TBC1D14: variants seen among roughly 807,000 people sequenced by gnomAD.
TBC1D14 encodes the protein TBC1 domain family member 14.
Under a neutral mutation model 79.0 loss-of-function variants are expected in TBC1D14, and 26 were observed. That is an observed-to-expected ratio of 0.33 (90% confidence interval 0.24 to 0.46). The LOEUF is 0.46. Ranked by LOEUF, TBC1D14 falls within the 20% of genes least tolerant of loss-of-function variation. The pLI is 1.00. For synonymous variants in TBC1D14, 394 were observed against 349.9 expected (o/e 1.13, Z -1.40); for missense variants, 769 against 887.6 (o/e 0.87, Z 1.70).
chr4:7,014,173 C>A (rs941566812), intron 11 of TBC1D14, among the ~76,000 whole-genome samples: 5 of 152,186 alleles, frequency 3.3e-5, no homozygotes, highest in Non-Finnish European at 5.9e-5. Flanking sequence ...AAAGCTTGTG[C>A]CCTTATTTGG....
chr4:6,923,355 T>C lies in TBC1D14; in HGVS notation c.-17-18T>C. 6.4e-7 allele frequency: 1 copy of C among 1,565,316 alleles called. No homozygotes were observed. The highest frequency in any genetic ancestry group is 8.6e-7 in the Non-Finnish European group (1 of 1,157,008). ...AATTTTATATCCACTTTAATTTCCATGTTTGTGTTTTTTCTAGTTTCTCCT... is the reference window on the plus strand; with the variant it reads ...AATTTTATATCCACTTTAATTTCCACGTTTGTGTTTTTTCTAGTTTCTCCT... On this transcript the variant is annotated intron_variant, in intron 1 of 13. Transcript: ENST00000409757.
chr4:6,949,750 GTTTTGTTTTTGT>G (rs1165843210), intron 2 of TBC1D14, among the ~76,000 whole-genome samples: 1 of 149,376 alleles, frequency 6.7e-6, no homozygotes, highest in African/African-American at 2.5e-5. Flanking sequence ...ACATTTCGTA[GTTTTGTTTTTGT>G]TTTTTTTTTT....
rs749025086 is a variant in TBC1D14 at position 6,923,990 on chromosome 4, A to G, written c.601A>G (p.Thr201Ala). Reference sequence around the variant, plus strand: ...GGAGAATGACGATGACCCACAGTTTACCAACGTCACCTTGAGCTCTATCAA... The same window carrying G: ...GGAGAATGACGATGACCCACAGTTTGCCAACGTCACCTTGAGCTCTATCAA... Reference protein sequence around the residue: ...TLENDDDPQFTNVTLSSIKET... With the variant: ...TLENDDDPQFANVTLSSIKET... Residue 201 changes from threonine to alanine, a missense_variant, in exon 2 of 14, where the codon ACC becomes GCC. This residue lies in a region of TBC1D14 where 402 missense variants were observed against 393.2 expected (regional missense o/e 1.02). Coordinates refer to ENST00000409757, the MANE Select transcript of TBC1D14 (RefSeq NM_020773.3). The G allele has an allele frequency of 2.5e-6, 4 of 1,613,994 alleles. No homozygotes were observed. In the Admixed American group the frequency reaches 5.0e-5, roughly 20 times the overall value.
chr4:7,024,402 A>G (rs1389740360), intron 12 of TBC1D14, among the ~76,000 whole-genome samples: 1 of 152,186 alleles, frequency 6.6e-6, no homozygotes, highest in Admixed American at 6.5e-5. Context: ...GAGCACTGTC[A>G]GTGTTGGGCA....
At chr4:6,961,485 T>C (rs1715185719) in intron 2 of TBC1D14, among the ~76,000 whole-genome samples, 1 of 152,056 alleles carries the variant, frequency 6.6e-6, no homozygotes, top group South Asian at 2.1e-4. Context: ...CACGAGGAGC[T>C]GAGCCTGGTG....
In TBC1D14 at chr4:7,004,363, G is replaced by A. The variant is rs1719973955; in HGVS notation, c.1271-481G>A. On this transcript the variant is annotated intron_variant, in intron 7 of 13. Transcript: ENST00000409757. The stretch of plus-strand genomic sequence containing the variant: ...AGGCAGCAAGACGAGGCCTGTGCCA[G>A]GTGGGGGCAATTGCACCATGTCCTT... Among the ~76,000 whole-genome samples, 3 of 152,250 alleles carry A rather than the reference G, an allele frequency of 2.0e-5. No homozygotes were observed. In the South Asian group the frequency reaches 6.2e-4, roughly 32 times the overall value.
chr4:6,998,818 C>A, intron 5 of TBC1D14: 1 of 333,006 alleles, frequency 3.0e-6, no homozygotes, highest in East Asian at 7.8e-5. Context: ...GGATTACAGG[C>A]GTGAGCCACC....
chr4:7,027,074 G>A (rs933766109), intron 13 of TBC1D14, among the ~76,000 whole-genome samples: 1 of 152,030 alleles, frequency 6.6e-6, no homozygotes, highest in Non-Finnish European at 1.5e-5. Context: ...AGCCGGGCAC[G>A]TTGGCAGGCT....
At chr4:6,988,526 C>G (rs187506102) in intron 3 of TBC1D14, among the ~76,000 whole-genome samples, 1 of 152,196 alleles carries the variant, frequency 6.6e-6, no homozygotes, top group Non-Finnish European at 1.5e-5. Context: ...GCCGTGCTGT[C>G]ACAGCATTAG....
At chr4:7,014,873 G>T (rs1465303941) in intron 12 of TBC1D14, among the ~76,000 whole-genome samples, 1 of 152,250 alleles carries the variant, frequency 6.6e-6, no homozygotes, top group Non-Finnish European at 1.5e-5. Context: ...AGCAAGGGCA[G>T]CGCTTGCCTG....
intron 11 of TBC1D14, among the ~76,000 whole-genome samples, chr4:7,014,224 T>C (rs74669150): frequency 0.03 from 4,526 of 152,322 alleles, 233 homozygotes; most frequent in African/African-American, 0.1. Context: ...CCCTTTTCTA[T>C]GAATTGAAGA....
intron 1 of TBC1D14, among the ~76,000 whole-genome samples, chr4:6,915,886 G>C (rs2108901420): frequency 6.6e-6 from 1 of 151,990 alleles, no homozygotes; most frequent in South Asian, 2.1e-4. Context: ...AGGCCGAGGT[G>C]GGCAGATCAC....
At chr4:6,948,557 G>T (rs529420859) in intron 2 of TBC1D14, among the ~76,000 whole-genome samples, 1 of 148,176 alleles carries the variant, frequency 6.7e-6, no homozygotes, top group African/African-American at 2.6e-5. Context: ...TGTCACTGGC[G>T]TGTGCGTGCC....
intron 12 of TBC1D14, among the ~76,000 whole-genome samples, chr4:7,015,328 G>A (rs1003088725): frequency 2.0e-5 from 3 of 152,152 alleles, no homozygotes; most frequent in Admixed American, 6.5e-5. Flanking sequence ...TGGAAATATT[G>A]TGGGTATGTC....
chr4:6,930,798 C>CA lies in TBC1D14; in HGVS notation c.722+6701dup, dbSNP rs35354700. 2.4e-3 allele frequency among the ~76,000 whole-genome samples: 333 copies of CA among 139,282 alleles called. 4 individuals carry two copies. Among genetic ancestry groups the CA allele is most frequent in the African/African-American group, 7.0e-3 (258 of 37,010 alleles). 91.4% of individuals were successfully genotyped at this position (139,282 alleles called of 152,430 possible). A position where few individuals can be genotyped will look rare whatever the true frequency, so the allele number is the denominator to read the frequency against. On this transcript the variant is annotated intron_variant, in intron 2 of 13. Coordinates refer to ENST00000409757, the MANE Select transcript of TBC1D14 (RefSeq NM_020773.3). ...GGGCAACAGAGTGAGACTCCATCTC[C>CA]AAAAAAAAAAAAAACCTGTGAGGGG...
chr4:6,924,081 T>C lies in TBC1D14; in HGVS notation c.692T>C (p.Ile231Thr). The C allele has an allele frequency of 1.2e-6, 2 of 1,613,064 alleles. No homozygotes were observed. Among genetic ancestry groups the C allele is most frequent in the Non-Finnish European group, 1.7e-6 (2 of 1,179,602 alleles). The change falls in exon 2 of 14, where the codon ATA becomes ACA. Residue 231 changes from isoleucine to threonine, a missense_variant. Transcript: ENST00000409757. ...HEAEEGSKLK[I>T]LGPFSNFFAR... ...GCTGAGGAGGGGAGTAAATTGAAAA[T>C]ATTGGGGCCATTTAGTAACTTCTTT...
At chr4:7,009,564 G>C (rs562603662) in intron 9 of TBC1D14, among the ~76,000 whole-genome samples, 13 of 152,286 alleles carry the variant, frequency 8.5e-5, no homozygotes, top group Middle Eastern at 3.4e-3. Context: ...TGGCTCTCCT[G>C]GTGGGCTTTG....
At chr4:7,012,182 G>A (rs1465374550) in intron 11 of TBC1D14, among the ~76,000 whole-genome samples, 1 of 151,870 alleles carries the variant, frequency 6.6e-6, no homozygotes, top group Non-Finnish European at 1.5e-5. Flanking sequence ...GGCGCCTGTA[G>A]TCCCAGCTAG....
At chr4:6,991,747 G>T (rs1183891652) in intron 3 of TBC1D14, among the ~76,000 whole-genome samples, 1 of 152,094 alleles carries the variant, frequency 6.6e-6, no homozygotes, top group Non-Finnish European at 1.5e-5. Context: ...CAGCCCCTTC[G>T]GGGGGCTGGT....
Sources: allele counts gnomAD v4.1 joint callset (sites outside exome capture counted in the v4.1 genomes callset), GRCh38; gene constraint gnomAD v4.1.1; regional missense constraint gnomAD v4.1.1; transcripts MANE v1.5; gene names NCBI Gene and HGNC (gene_info 2026-07-23, HGNC 2026-07-21).